The following TLR5 variants were observed in gnomAD, a reference collection of about 807,000 sequenced individuals.
TLR5 encodes toll-like receptor 5.
For missense variants in TLR5, 944 were observed against 999.8 expected, an observed-to-expected ratio of 0.94 and a Z score of 0.75; for synonymous variants, 373 against 384.4, an observed-to-expected ratio of 0.97 and a Z score of 0.35.
At chr1:223,138,699 A>T (rs2252620) in intron 2 of TLR5, among the ~76,000 whole-genome samples, 2 of 152,216 alleles carry the variant, frequency 1.3e-5, no homozygotes, top group Non-Finnish European at 2.9e-5. Context: ...CGTAGTACTC[A>T]GAGACATATA....
At position 223,111,761 on chromosome 1, in the gene TLR5, G is replaced by T; in HGVS notation, c.1271C>A (p.Thr424Lys). 6.2e-7 allele frequency: 1 copy of T among 1,614,162 alleles called. No homozygotes were observed. Among genetic ancestry groups the T allele is most frequent in the Non-Finnish European group, 8.5e-7 (1 of 1,180,030 alleles). Residue 424 changes from threonine to lysine, a missense_variant, in exon 6 of 6, where the codon ACA becomes AAA. Transcript: ENST00000642603. The stretch of plus-strand genomic sequence containing the variant: ...TTCTGATAAGTGGATGAGGTTCGCT[G>T]TAAGGTTGATCTTTGGCAAAGTCAC... ...KLVTLPKINL[T>K]ANLIHLSENR... is the part of the protein sequence containing the mutation.
intron 5 of TLR5, among the ~76,000 whole-genome samples, chr1:223,129,962 C>T (rs1000662359): frequency 2.6e-5 from 4 of 152,152 alleles, no homozygotes; most frequent in African/African-American, 9.7e-5. Context: ...CTTTATGATT[C>T]CATAATACAA....
At chr1:223,139,694 G>T (rs1386060742) in intron 2 of TLR5, among the ~76,000 whole-genome samples, 1 of 152,132 alleles carries the variant, frequency 6.6e-6, no homozygotes, top group African/African-American at 2.4e-5. Flanking sequence ...AGGATATGCT[G>T]GGGGCAGATC....
chr1:223,112,921 G>T lies in TLR5; in HGVS notation c.111C>A (p.Asn37Lys), dbSNP rs142223042. The T allele has an allele frequency of 3.1e-6, 5 of 1,614,078 alleles. No individual in the cohort carries two copies. In the African/African-American group the frequency reaches 5.3e-5, roughly 17 times the overall value. The change falls in exon 6 of 6, where the codon AAC becomes AAA. Residue 37 changes from asparagine (N) to lysine (K), a missense_variant. By Grantham distance (94) the Asn-to-Lys change is moderately conservative (BLOSUM62 0). Coordinates refer to ENST00000642603, the MANE Select transcript of TLR5 (RefSeq NM_003268.6). ...TGAGGACCTGGGGGACCTGGGTGAG[G>T]TTGCAGAAACGATAAAAGGCTATTC... is the stretch of plus-strand genomic sequence containing the variant. ...DGRIAFYRFC[N>K]LTQVPQVLNT...
rs142689256 is a variant in TLR5 at position 223,120,543 on chromosome 1, C to T, written c.-4-7508G>A. Among the ~76,000 whole-genome samples the T allele has an allele frequency of 5.8e-4, 88 of 152,366 alleles. No homozygotes were observed. The East Asian group carries it at 6.2e-3, about 11-fold the overall frequency. ...CACATGTTCTCAGGACCTCCTGGGG[C>T]TGTGTCACAGGTCATGGTCCTCACA... On this transcript the variant is annotated intron_variant, in intron 5 of 5. Transcript: ENST00000642603.
Position 223,112,355 on chromosome 1 carries a change from A to G in TLR5, c.677T>C (p.Met226Thr). The change falls in exon 6 of 6, where the codon ATG becomes ACG. Residue 226 changes from methionine to threonine, a missense_variant. Coordinates refer to ENST00000642603, the MANE Select transcript of TLR5 (RefSeq NM_003268.6). The part of the protein sequence containing the change: ...WGKCMNPFRN[M>T]VLEILDVSGN... ...AGAAACATCTAGTATCTCCAGCACC[A>G]TGTTTCTGAATGGGTTCATACATTT... 1 of 1,614,188 alleles carries G rather than the reference A, an allele frequency of 6.2e-7. No individual in the cohort carries two copies. The highest frequency in any genetic ancestry group is 8.5e-7 in the Non-Finnish European group (1 of 1,180,040).
At chr1:223,130,099 C>T (rs1657341524) in intron 5 of TLR5, among the ~76,000 whole-genome samples, 1 of 152,148 alleles carries the variant, frequency 6.6e-6, no homozygotes, top group Admixed American at 6.5e-5. Flanking sequence ...CTGCCAAATT[C>T]CTAGAGTTGC....
chr1:223,136,834 A>T (rs1484774547), intron 3 of TLR5, among the ~76,000 whole-genome samples: 5 of 149,026 alleles, frequency 3.4e-5, no homozygotes, highest in South Asian at 2.1e-4. Context: ...TGTTTTTTAA[A>T]TTTTTTTTTT....
intron 5 of TLR5, chr1:223,123,375 T>C (rs1240032078): frequency 6.6e-6 from 1 of 152,200 alleles, no homozygotes. Flanking sequence ...ACGAAATATG[T>C]TCCAGGATAC....
intron 5 of TLR5, chr1:223,127,104 C>G (rs530499206): frequency 6.6e-6 from 1 of 152,210 alleles, no homozygotes; most frequent in African/African-American, 2.4e-5. Flanking sequence ...CCACAGCATG[C>G]GGATGCCTCC....
intron 2 of TLR5, among the ~76,000 whole-genome samples, chr1:223,138,747 C>A (rs763389): frequency 6.6e-6 from 1 of 152,188 alleles, no homozygotes; most frequent in African/African-American, 2.4e-5. Context: ...CCTACACCTG[C>A]AGCACACCAT....
chr1:223,142,482 C>G (rs1657919705), intron 1 of TLR5, among the ~76,000 whole-genome samples: 1 of 152,228 alleles, frequency 6.6e-6, no homozygotes, highest in Non-Finnish European at 1.5e-5. Context: ...CTTCCCAGGG[C>G]AGCACCCTCA....
intron 5 of TLR5, among the ~76,000 whole-genome samples, chr1:223,115,777 G>A (rs1488487393): frequency 6.6e-6 from 1 of 152,148 alleles, no homozygotes; most frequent in African/African-American, 2.4e-5. Context: ...AGTCAGGAAG[G>A]GTGTCTCTGA....
At position 223,112,291 on chromosome 1, in the gene TLR5, G is replaced by A. The variant is rs1195591530; in HGVS notation, c.741C>T (p.Ser247=). Residue 247 remains serine (S), a synonymous_variant, in exon 6 of 6, where the codon AGC becomes AGT. Coordinates refer to ENST00000642603, the MANE Select transcript of TLR5 (RefSeq NM_003268.6). ...GWTVDITGNF[S]NAISKSQAFS... is the part of the protein sequence containing the mutation. ...AGGCCTGGCTTTTGCTGATGGCATT[G>A]CTAAAGTTTCCTGTGATGTCCACTG... 2 of 1,614,190 alleles carry A rather than the reference G, an allele frequency of 1.2e-6. No individual in the cohort carries two copies. Among genetic ancestry groups the A allele is most frequent in the South Asian group, 2.2e-5 (2 of 91,084 alleles).
intron 5 of TLR5, among the ~76,000 whole-genome samples, chr1:223,115,380 G>C (rs1284076695): frequency 6.6e-6 from 1 of 152,206 alleles, no homozygotes; most frequent in Admixed American, 6.5e-5. Flanking sequence ...CTCCTGAGTA[G>C]CTTGGATTAG....
At chr1:223,141,170 C>T (rs1657821827) in intron 2 of TLR5, among the ~76,000 whole-genome samples, 1 of 152,146 alleles carries the variant, frequency 6.6e-6, no homozygotes, top group South Asian at 2.1e-4. Context: ...TATACAGAGA[C>T]AAATAAACAG....
rs1423164262 is a variant in TLR5, at chr1:223,111,690, G to A, written c.1342C>T (p.Pro448Ser). Reference protein sequence around the residue: ...LDILYFLLRVPHLQILILNQN... With the variant: ...LDILYFLLRVSHLQILILNQN... ...TTTAAAATGAGAATCTGGAGATGAG[G>A]TACCCGTAGGAGAAAGTAGAGAATA... The change falls in exon 6 of 6, where the codon CCT becomes TCT. Residue 448 changes from proline (P) to serine (S), a missense_variant. Pro to Ser is a moderately conservative substitution (Grantham distance 74). Transcript: ENST00000642603. 4.3e-6 allele frequency: 7 copies of A among 1,614,032 alleles called. No individual in the cohort carries two copies. Among genetic ancestry groups the A allele is most frequent in the Non-Finnish European group, 5.9e-6 (7 of 1,180,042 alleles).
chr1:223,122,644 C>T (rs1656999837), intron 5 of TLR5, among the ~76,000 whole-genome samples: 1 of 152,218 alleles, frequency 6.6e-6, no homozygotes, highest in East Asian at 1.9e-4. Context: ...GGCTTCATTG[C>T]TCACACCTAG....
intron 3 of TLR5, among the ~76,000 whole-genome samples, chr1:223,136,891 G>A (rs375916152): frequency 8.3e-4 from 126 of 152,062 alleles, no homozygotes; most frequent in African/African-American, 2.7e-3. Flanking sequence ...GCAGTGACAT[G>A]ATCATGGCAC....
Sources: allele counts gnomAD v4.1 joint callset (sites outside exome capture counted in the v4.1 genomes callset), GRCh38; gene constraint gnomAD v4.1.1; transcripts MANE v1.5; gene names NCBI Gene and HGNC (gene_info 2026-07-23, HGNC 2026-07-21).